The following MYH11 variants were observed in gnomAD, a reference collection of about 807,000 sequenced individuals.
MYH11 encodes myosin heavy chain 11, also known as myosin-11.
In MYH11, 80 loss-of-function variants were observed where a neutral mutation model predicts 246.6. That is an observed-to-expected ratio of 0.32 (90% CI 0.27 to 0.39). The LOEUF (loss-of-function observed/expected upper bound fraction) is 0.39, where lower values mean the gene tolerates loss of function less well. Ranked by LOEUF, MYH11 falls within the 10% of genes least tolerant of loss-of-function variation. The pLI is 1.00. For missense variants in MYH11, 2,158 were observed against 2,546.8 expected, an observed-to-expected ratio of 0.85 and a Z score of 3.29; for synonymous variants, 1,071 against 1,015.5, an observed-to-expected ratio of 1.05 and a Z score of -1.04.
chr16:15,750,282 C>G lies in MYH11; in HGVS notation c.1914G>C (p.Ser638=). ...LDQMAKMTES[S]LPSASKTKKG... is the part of the protein sequence containing the mutation. The stretch of plus-strand genomic sequence containing the variant: ...TCTTGGTCTTGGAGGCGCTGGGCAG[C>G]GAGCTCTCCGTCATCTTGGCCATCT... The change falls in exon 16 of 41, where the codon TCG becomes TCC. Residue 638 remains serine (S), a synonymous_variant. Transcript: ENST00000300036. The surrounding 1 kb of genome is among the most constrained non-coding windows in gnomAD (Gnocchi z 4.3). The G allele has an allele frequency of 6.2e-7, 1 of 1,613,750 alleles. No individual in the cohort carries two copies. The highest frequency in any genetic ancestry group is 1.3e-5 in the African/African-American group (1 of 75,054).
intron 40 of MYH11, among the ~76,000 whole-genome samples, chr16:15,708,461 TAAGAGTGGCTTTTGGCATGAAAGG>T (rs1408641407): frequency 6.6e-6 from 1 of 152,200 alleles, no homozygotes; most frequent in Non-Finnish European, 1.5e-5. Flanking sequence ...CCTAACCACG[TAAGAGTGGCTTTTGGCATGAAAGG>T]AAGAAAAATC....
Position 15,741,469 on chromosome 16 carries a change from C to T in MYH11, c.2853G>A (p.Gln951=). ...LQAERKKMAQ[Q]MLDLEEQLEE... ...TGCCCCTGTGACACCTTACCAGCAT[C>T]TGCTGGGCCATCTTCTTCCTTTCAG... The change falls in exon 22 of 41, where the codon CAG becomes CAA. Residue 951 remains glutamine (Q), a synonymous_variant. Transcript: ENST00000300036. 6.2e-7 allele frequency: 1 copy of T among 1,607,850 alleles called. No individual in the cohort carries two copies. Among genetic ancestry groups the T allele is most frequent in the Non-Finnish European group, 8.5e-7 (1 of 1,179,996 alleles).
chr16:15,717,426 C>G, intron 37 of MYH11, 78 bp from the exon 38 acceptor site: 2 of 1,483,242 alleles, frequency 1.3e-6, no homozygotes, highest in South Asian at 1.1e-5. Flanking sequence ...CTCTTCCTGC[C>G]TTGTTTGGCC....
chr16:15,748,510 C>A (rs531566236), intron 16 of MYH11, among the ~76,000 whole-genome samples: 11 of 152,198 alleles, frequency 7.2e-5, no homozygotes, highest in African/African-American at 2.2e-4. Context: ...CCAACCCCCC[C>A]ACTTCTCTTC....
At chr16:15,849,983 G>C (rs1045873343) in intron 1 of MYH11, among the ~76,000 whole-genome samples, 1 of 152,182 alleles carries the variant, frequency 6.6e-6, no homozygotes, top group African/African-American at 2.4e-5. Flanking sequence ...GCTGAAACTG[G>C]ACCAACTGAG....
At chr16:15,762,476 G>A (rs1380644210) in intron 10 of MYH11, among the ~76,000 whole-genome samples, 3 of 152,074 alleles carry the variant, frequency 2.0e-5, no homozygotes, top group African/African-American at 7.3e-5. Context: ...TAAAACCTAA[G>A]ACCAGTACTT....
At position 15,718,332 on chromosome 16, in the gene MYH11, G is replaced by T. The variant is rs764794087; in HGVS notation, c.5278C>A (p.Arg1760Ser). The change falls in exon 37 of 41, where the codon CGC (arginine) becomes AGC (serine). Residue 1760 changes from arginine (R) to serine (S), a missense_variant. Physicochemically the swap from Arg to Ser is moderately radical, Grantham distance 110. Transcript: ENST00000300036. ...GNMEAMSDRV[R>S]KATQQAEQLS... ...GCCCTCACCTGCTGTGTGGCTTTGC[G>T]GACCCGGTCGCTCATGGCCTCCATG... 1.9e-6 allele frequency: 3 copies of T among 1,609,134 alleles called. No individual in the cohort carries two copies.
chr16:15,829,999 G>A (rs1319313696), intron 2 of MYH11, among the ~76,000 whole-genome samples: 2 of 152,286 alleles, frequency 1.3e-5, no homozygotes, highest in African/African-American at 4.8e-5. Flanking sequence ...GCAAGGTGTG[G>A]TGGCGCGTGC....
chr16:15,772,649 A>G (rs1286807751), intron 8 of MYH11, among the ~76,000 whole-genome samples: 2 of 152,194 alleles, frequency 1.3e-5, no homozygotes, highest in African/African-American at 2.4e-5. Context: ...ATTACATATC[A>G]TAGGCCAAGG....
chr16:15,832,010 C>T (rs1356022798), intron 2 of MYH11, among the ~76,000 whole-genome samples: 1 of 151,986 alleles, frequency 6.6e-6, no homozygotes, highest in Non-Finnish European at 1.5e-5. Context: ...CAGTGTCTTT[C>T]TACCCTCTAG....
rs535431593 is a variant in MYH11, at chr16:15,766,445, T to G, written c.1034-2554A>C. Among the ~76,000 whole-genome samples, 23 of 150,672 alleles carry G rather than the reference T, an allele frequency of 1.5e-4. No homozygotes were observed. The South Asian group carries it at 4.7e-3, about 31-fold the overall frequency. ...GTGCATTGGTGCAATCTCGGCTCAC[T>G]GCAACCTCTGCGCTTCCCAGGTTCA... On this transcript the variant is annotated intron_variant, in intron 9 of 40. Transcript: ENST00000300036.
intron 40 of MYH11, among the ~76,000 whole-genome samples, chr16:15,706,222 C>T (rs2039446540): frequency 6.6e-6 from 1 of 152,112 alleles, no homozygotes; most frequent in Non-Finnish European, 1.5e-5. Context: ...GGACTTGCAG[C>T]CCTACTAGAG....
At chr16:15,844,721 C>T (rs949506320) in intron 1 of MYH11, among the ~76,000 whole-genome samples, 4 of 151,856 alleles carry the variant, frequency 2.6e-5, no homozygotes, top group East Asian at 1.9e-4. Flanking sequence ...CATGATGATG[C>T]GTGCTTGTAG....
intron 9 of MYH11, among the ~76,000 whole-genome samples, chr16:15,764,453 G>T (rs1484543046): frequency 6.6e-6 from 1 of 151,994 alleles, no homozygotes; most frequent in African/African-American, 2.4e-5. Context: ...ATACAGCCTG[G>T]GCAATGTAGG....
intron 5 of MYH11, chr16:15,785,901 T>G (rs1267106715): frequency 6.2e-6 from 1 of 161,928 alleles, no homozygotes; most frequent in Non-Finnish European, 1.4e-5. Context: ...CTTCCACAGG[T>G]CTGGAAGCTC....
intron 3 of MYH11, among the ~76,000 whole-genome samples, chr16:15,812,427 C>T (rs1361164452): frequency 6.6e-6 from 1 of 151,542 alleles, no homozygotes; most frequent in Admixed American, 6.6e-5. Flanking sequence ...GGAAAAATAG[C>T]AACTTTAGGC....
chr16:15,726,906 T>C lies in MYH11; in HGVS notation c.3800A>G (p.Lys1267Arg). The C allele has an allele frequency of 6.2e-7, 1 of 1,612,808 alleles. No homozygotes were observed. Among genetic ancestry groups the C allele is most frequent in the Non-Finnish European group, 8.5e-7 (1 of 1,180,006 alleles). The part of the protein sequence containing the change: ...LEAQVQELQS[K>R]CSDGERARAE... Reference sequence around the variant, plus strand: ...CCGGGCCCGCTCCCCATCGCTGCACTTGGACTGCAGCTCCTGCACCTGCGC... The same window carrying C: ...CCGGGCCCGCTCCCCATCGCTGCACCTGGACTGCAGCTCCTGCACCTGCGC... Residue 1267 changes from lysine (K) to arginine (R), a missense_variant, in exon 28 of 41, where the codon AAG (lysine) becomes AGG (arginine). Coordinates refer to ENST00000300036, the MANE Select transcript of MYH11 (RefSeq NM_002474.3).
chr16:15,779,297 T>A lies in MYH11; in HGVS notation c.727-454A>T, dbSNP rs139802858. ...AGGACTACAGGCATGCACCACCATA[T>A]CTGGCTAATTTTTAAATTTTTTTTT... On this transcript the variant is annotated intron_variant, in intron 6 of 40. Coordinates refer to ENST00000300036, the MANE Select transcript of MYH11 (RefSeq NM_002474.3). 686 of 249,384 alleles carry A rather than the reference T, an allele frequency of 2.8e-3. 5 individuals carry two copies. Among genetic ancestry groups the A allele is most frequent in the African/African-American group, 0.016 (644 of 40,190 alleles). The allele number at this position is 249,384 out of a possible 1,614,324, so 15.4% of individuals were successfully genotyped here. A position where few individuals can be genotyped will look rare whatever the true frequency, so the allele number is the denominator to read the frequency against.
intron 1 of MYH11, among the ~76,000 whole-genome samples, chr16:15,840,327 A>G (rs938115360): frequency 2.0e-5 from 3 of 152,204 alleles, no homozygotes; most frequent in African/African-American, 4.8e-5. Flanking sequence ...GAGATGATAA[A>G]TGTCATTATA....
Sources: gnomAD v4.1 joint callset for allele counts (sites outside exome capture counted in the v4.1 genomes callset) on GRCh38, gnomAD v4.1.1 for gene constraint, Gnocchi (gnomAD v3.1) non-coding constraint, MANE v1.5 for transcripts, NCBI Gene and HGNC (gene_info 2026-07-23, HGNC 2026-07-21) for gene names.